Variants in CSMD1 observed in about 807,000 individuals in gnomAD.
The protein encoded by CSMD1 is CUB and sushi domain-containing protein 1.
Under a neutral mutation model 417.5 loss-of-function variants are expected in CSMD1, and 213 were observed. The observed-to-expected ratio is 0.51, with a 90% CI of 0.46 to 0.57. The LOEUF (loss-of-function observed/expected upper bound fraction) is 0.57, where lower values mean the gene tolerates loss of function less well. CSMD1 is among the 20% of genes least tolerant of loss of function. The pLI is 0.00. For missense variants in CSMD1, 6,923 were observed against 4,529.7 expected (o/e 1.53, Z -15.17); for synonymous variants, 2,862 against 1,736.8 (o/e 1.65, Z -16.11).
At chr8:3,083,610 TTATATATATATATATATA>T (rs1554507974) in intron 49 of CSMD1, among the ~76,000 whole-genome samples, 2 of 30,930 alleles carry the variant, frequency 6.5e-5, no homozygotes, top group Non-Finnish European at 1.1e-4. Flanking sequence ...ACCATAATTT[TTATATATATATATATATA>T]TATATATATA....
At chr8:4,979,713 T>TA (rs1183302731) in intron 1 of CSMD1, among the ~76,000 whole-genome samples, 2 of 152,178 alleles carry the variant, frequency 1.3e-5, no homozygotes, top group African/African-American at 4.8e-5. Flanking sequence ...TAGTGACAAA[T>TA]ATACAGATCA....
chr8:4,638,429 A>G (rs1053061771), intron 1 of CSMD1, among the ~76,000 whole-genome samples: 7 of 152,216 alleles, frequency 4.6e-5, no homozygotes, highest in Non-Finnish European at 8.8e-5. Context: ...GAAGCTTATC[A>G]AGTTGAAAAT....
rs1798156656 is a variant in CSMD1, at chr8:4,436,496, T to C, written c.303-16431A>G. On this transcript the variant is annotated intron_variant, in intron 2 of 69. Coordinates refer to ENST00000635120, the MANE Select transcript of CSMD1 (RefSeq NM_033225.6). Reference sequence around the variant, plus strand: ...ATAATAATCACCTCAGGTTGAGGGGTATCTCTCCTCTCAAACATTTATCCT... The same window carrying C: ...ATAATAATCACCTCAGGTTGAGGGGCATCTCTCCTCTCAAACATTTATCCT... Among the ~76,000 whole-genome samples the C allele has an allele frequency of 3.3e-5, 5 of 151,916 alleles. No homozygotes were observed. The South Asian group carries it at 1.0e-3, about 32-fold the overall frequency.
In CSMD1 at chr8:4,364,070, G is replaced by A. The variant is rs555771332; in HGVS notation, c.415+55883C>T. ...TAATTGAATTGTCTGTAACAGAAAAGTTAAGTGCTTGAGGGAATAGCTACC... is the reference window on the plus strand; with the variant it reads ...TAATTGAATTGTCTGTAACAGAAAAATTAAGTGCTTGAGGGAATAGCTACC... On this transcript the variant is annotated intron_variant, in intron 3 of 69. Coordinates refer to ENST00000635120, the MANE Select transcript of CSMD1 (RefSeq NM_033225.6). 5.9e-5 allele frequency among the ~76,000 whole-genome samples: 9 copies of A among 152,268 alleles called. No homozygotes were observed. In the South Asian group the frequency reaches 1.9e-3, roughly 32 times the overall value.
intron 1 of CSMD1, among the ~76,000 whole-genome samples, chr8:4,800,495 C>A (rs1472641123): frequency 6.6e-6 from 1 of 151,480 alleles, no homozygotes; most frequent in African/African-American, 2.4e-5. Context: ...AGGTTTAATT[C>A]CTGGGAAATC....
At chr8:4,399,391 A>G (rs1313151718) in intron 3 of CSMD1, among the ~76,000 whole-genome samples, 1 of 152,234 alleles carries the variant, frequency 6.6e-6, no homozygotes, top group Non-Finnish European at 1.5e-5. Context: ...AGTTTCAAAC[A>G]TAGGCAAGGG....
intron 5 of CSMD1, among the ~76,000 whole-genome samples, chr8:3,789,518 G>C (rs1291809786): frequency 6.8e-6 from 1 of 147,912 alleles, no homozygotes; most frequent in African/African-American, 2.5e-5. Context: ...TACCATTCAG[G>C]TTTTTATGCT....
intron 46 of CSMD1, among the ~76,000 whole-genome samples, chr8:3,102,764 T>G (rs1005463772): frequency 1.1e-4 from 16 of 152,098 alleles, no homozygotes; most frequent in African/African-American, 3.4e-4. Context: ...ACGGAGTGTT[T>G]CCGTTAAATA....
intron 51 of CSMD1, among the ~76,000 whole-genome samples, chr8:3,025,719 T>C (rs1809821629): frequency 6.6e-6 from 1 of 152,228 alleles, no homozygotes; most frequent in East Asian, 1.9e-4. Context: ...AAGCCACACA[T>C]TAAGGGGCTT....
chr8:4,610,382 C>A (rs1184514311), intron 2 of CSMD1, among the ~76,000 whole-genome samples: 1 of 152,146 alleles, frequency 6.6e-6, no homozygotes, highest in African/African-American at 2.4e-5. Flanking sequence ...TTTCTAATGA[C>A]ACCATGCAGA....
At chr8:3,656,639 G>A (rs932929305) in intron 7 of CSMD1, among the ~76,000 whole-genome samples, 5 of 152,110 alleles carry the variant, frequency 3.3e-5, no homozygotes, top group Admixed American at 3.3e-4. Flanking sequence ...CTATTACAAA[G>A]GCTTTAGGCC....
chr8:4,812,996 T>C (rs1798996941), intron 1 of CSMD1, among the ~76,000 whole-genome samples: 2 of 152,232 alleles, frequency 1.3e-5, no homozygotes, highest in Admixed American at 1.3e-4. Flanking sequence ...CTTATTTATC[T>C]GTTAAAACTC....
At chr8:3,521,564 T>G (rs1797510048) in intron 10 of CSMD1, among the ~76,000 whole-genome samples, 1 of 152,196 alleles carries the variant, frequency 6.6e-6, no homozygotes, top group South Asian at 2.1e-4. Context: ...ACTCCCAAGT[T>G]GGATCTATTA....
chr8:3,137,917 T>G (rs1818201250), intron 41 of CSMD1, among the ~76,000 whole-genome samples: 1 of 152,160 alleles, frequency 6.6e-6, no homozygotes, highest in African/African-American at 2.4e-5. Flanking sequence ...CTAGGTTCAT[T>G]TATATGGCAT....
intron 3 of CSMD1, among the ~76,000 whole-genome samples, chr8:4,244,524 T>C (rs1007461577): frequency 6.6e-6 from 1 of 151,490 alleles, no homozygotes; most frequent in Non-Finnish European, 1.5e-5. Flanking sequence ...GCAAGTCAAA[T>C]AAAATTTTCT....
At chr8:4,234,977 A>G (rs1801959226) in intron 3 of CSMD1, among the ~76,000 whole-genome samples, 1 of 152,156 alleles carries the variant, frequency 6.6e-6, no homozygotes, top group South Asian at 2.1e-4. Flanking sequence ...ACCTCATGGA[A>G]TCTCAATTTT....
chr8:4,452,584 A>G (rs1033108876), intron 2 of CSMD1, among the ~76,000 whole-genome samples: 1 of 152,228 alleles, frequency 6.6e-6, no homozygotes, highest in East Asian at 1.9e-4. Flanking sequence ...ATTAAACATC[A>G]GAAAACCGGT....
At chr8:4,324,964 T>A (rs1171085146) in intron 3 of CSMD1, among the ~76,000 whole-genome samples, 1 of 152,142 alleles carries the variant, frequency 6.6e-6, no homozygotes, top group African/African-American at 2.4e-5. Flanking sequence ...GGAAAGGATA[T>A]CATTATATCA....
chr8:3,535,094 G>A (rs1798138442), intron 10 of CSMD1, among the ~76,000 whole-genome samples: 1 of 151,740 alleles, frequency 6.6e-6, no homozygotes, highest in African/African-American at 2.4e-5. Context: ...ACTACAGGGT[G>A]TACCAACATA....
Sources: gnomAD v4.1 joint callset for allele counts (sites outside exome capture counted in the v4.1 genomes callset) on GRCh38, gnomAD v4.1.1 for gene constraint, MANE v1.5 for transcripts, NCBI Gene and HGNC (gene_info 2026-07-23, HGNC 2026-07-21) for gene names.